SASS6: variants seen among roughly 807,000 people sequenced by gnomAD.
The protein encoded by SASS6 is spindle assembly abnormal protein 6 homolog.
In SASS6, 59 loss-of-function variants were observed where a neutral mutation model predicts 94.9. That is an observed-to-expected ratio of 0.62 (90% confidence interval 0.50 to 0.77). SASS6 has a LOEUF of 0.77. Ranked by LOEUF, SASS6 falls within the 30% of genes least tolerant of loss-of-function variation. The pLI is 0.00. For missense variants in SASS6, 698 were observed against 734.1 expected (o/e 0.95, Z 0.57); for synonymous variants, 264 against 270.0 (o/e 0.98, Z 0.22).
Position 100,122,495 on chromosome 1 carries a change from G to T in SASS6, c.207-11C>A, listed in dbSNP as rs757422655. 5.2e-5 allele frequency: 52 copies of T among 1,000,944 alleles called. No individual in the cohort carries two copies. In the Admixed American group the frequency reaches 5.5e-4, roughly 10 times the overall value. The allele number at this position is 1,000,944 out of a possible 1,614,324, so 62.0% of individuals were successfully genotyped here. On this transcript the variant is annotated splice_polypyrimidine_tract_variant and intron_variant, in intron 3 of 16. Coordinates refer to ENST00000287482, the MANE Select transcript of SASS6 (RefSeq NM_194292.3). ...TGCTGGAATTTTAAACTATACAGAA[G>T]AAAGGAAAAGAAATTTTTTAAAAAT...
intron 2 of SASS6, among the ~76,000 whole-genome samples, chr1:100,125,669 CAAAA>C (rs11299065): frequency 1.2e-5 from 1 of 80,356 alleles, no homozygotes; most frequent in Non-Finnish European, 2.6e-5. Flanking sequence ...GACTCCATCT[CAAAA>C]AAAAAAAAAA....
chr1:100,095,043 A>T (rs1369423129), intron 14 of SASS6, among the ~76,000 whole-genome samples: 3 of 152,226 alleles, frequency 2.0e-5, no homozygotes, highest in Non-Finnish European at 4.4e-5. Flanking sequence ...CAATTGAAAA[A>T]GCATTTGACA....
At chr1:100,114,709 C>T (rs1653661867) in intron 7 of SASS6, among the ~76,000 whole-genome samples, 1 of 151,942 alleles carries the variant, frequency 6.6e-6, no homozygotes. Context: ...CAGAGCAAGA[C>T]TCTGTCTCTA....
chr1:100,089,154 G>T (rs1408948101), intron 14 of SASS6, among the ~76,000 whole-genome samples: 1 of 151,938 alleles, frequency 6.6e-6, no homozygotes, highest in Non-Finnish European at 1.5e-5. Context: ...TAAATTAACA[G>T]CAAATTATAC....
chr1:100,108,530 A>C (rs1653081982), intron 8 of SASS6, among the ~76,000 whole-genome samples: 1 of 152,152 alleles, frequency 6.6e-6, no homozygotes, highest in African/African-American at 2.4e-5. Context: ...CATTAAAAAT[A>C]GATTTTTAAA....
chr1:100,103,175 CTAATAAT>C (rs1652630371), intron 13 of SASS6, 92 bp from the exon 14 acceptor site: 1 of 757,818 alleles, frequency 1.3e-6, no homozygotes, highest in Non-Finnish European at 2.1e-6. Flanking sequence ...GTTATAATAA[CTAATAAT>C]TAAGAGAGCA....
intron 14 of SASS6, among the ~76,000 whole-genome samples, chr1:100,097,090 G>A (rs1157830144): frequency 6.6e-6 from 1 of 152,080 alleles, no homozygotes; most frequent in East Asian, 1.9e-4. Context: ...ACTCCAGCCT[G>A]GGCAACAGAG....
intron 7 of SASS6, among the ~76,000 whole-genome samples, chr1:100,116,145 T>C (rs1325425977): frequency 6.6e-6 from 1 of 151,988 alleles, no homozygotes; most frequent in African/African-American, 2.4e-5. Context: ...CTGGGAGAAA[T>C]GTTTATAATG....
chr1:100,094,985 A>C (rs1052884226), intron 14 of SASS6, among the ~76,000 whole-genome samples: 1 of 152,174 alleles, frequency 6.6e-6, no homozygotes, highest in African/African-American at 2.4e-5. Flanking sequence ...AATCTTAAAC[A>C]ATCAATACAA....
In SASS6 at chr1:100,085,525, T is replaced by G; in HGVS notation, c.1867+11A>C. 2.5e-6 allele frequency: 4 copies of G among 1,602,920 alleles called. No homozygotes were observed. The highest frequency in any genetic ancestry group is 2.6e-6 in the Non-Finnish European group (3 of 1,170,594). On this transcript the variant is annotated intron_variant, in intron 16 of 16. Transcript: ENST00000287482. ...ACTATAAAGTACAAAAATCCAGAAATCCCTGCTTACCTGAATTACTAAATA... is the reference window on the plus strand; with the variant it reads ...ACTATAAAGTACAAAAATCCAGAAAGCCCTGCTTACCTGAATTACTAAATA...
chr1:100,119,633 G>A (rs995114378), intron 6 of SASS6, among the ~76,000 whole-genome samples: 1 of 152,118 alleles, frequency 6.6e-6, no homozygotes, highest in Non-Finnish European at 1.5e-5. Context: ...TTGGATCATG[G>A]GAATGGTTTA....
At position 100,119,118 on chromosome 1, in the gene SASS6, T is replaced by C; in HGVS notation, c.569A>G (p.Gln190Arg). ...TTCATTCCGTAACTTATCTAATTCTTGTTTTTTTTCTGCTAATGTCTACAT... is the reference window on the plus strand; with the variant it reads ...TTCATTCCGTAACTTATCTAATTCTCGTTTTTTTTCTGCTAATGTCTACAT... ...FTRKTLAEKKQELDKLRNEWA... is the reference protein window; with the variant it reads ...FTRKTLAEKKRELDKLRNEWA... The change falls in exon 7 of 17, where the codon CAA (glutamine) becomes CGA (arginine). Residue 190 changes from glutamine to arginine, a missense_variant. Coordinates refer to ENST00000287482, the MANE Select transcript of SASS6 (RefSeq NM_194292.3). 1 of 1,568,942 alleles carries C rather than the reference T, an allele frequency of 6.4e-7. No individual in the cohort carries two copies. Among genetic ancestry groups the C allele is most frequent in the Non-Finnish European group, 8.7e-7 (1 of 1,148,180 alleles).
Position 100,107,367 on chromosome 1 carries a change from T to C in SASS6, c.1326+7A>G. The C allele has an allele frequency of 3.9e-6, 6 of 1,541,904 alleles. No homozygotes were observed. Among genetic ancestry groups the C allele is most frequent in the Non-Finnish European group, 5.3e-6 (6 of 1,136,114 alleles). Reference sequence around the variant, plus strand: ...GTTACAACATAAAAATTTAAAATATTAACTACCTCTTGCTCTTTAATTCGA... The same window carrying C: ...GTTACAACATAAAAATTTAAAATATCAACTACCTCTTGCTCTTTAATTCGA... On this transcript the variant is annotated splice_region_variant and intron_variant, in intron 11 of 16. Coordinates refer to ENST00000287482, the MANE Select transcript of SASS6 (RefSeq NM_194292.3).
At chr1:100,122,596 A>G (rs1570709119) in intron 3 of SASS6, 112 bp from the exon 4 acceptor site, 1 of 422,308 alleles carries the variant, frequency 2.4e-6, no homozygotes, top group Non-Finnish European at 3.9e-6. Flanking sequence ...TCCATCACCC[A>G]GGCTGGAGTG....
chr1:100,122,794 G>A (rs969824111), intron 3 of SASS6, among the ~76,000 whole-genome samples: 6 of 151,818 alleles, frequency 4.0e-5, no homozygotes, highest in Non-Finnish European at 5.9e-5. Context: ...CTCATGATCC[G>A]CCCTCTTCGG....
chr1:100,110,218 A>T, intron 8 of SASS6, 74 bp downstream of exon 8: 1 of 855,520 alleles, frequency 1.2e-6, no homozygotes, highest in Admixed American at 3.1e-5. Flanking sequence ...CCACCCACAC[A>T]AGTAACCACA....
intron 4 of SASS6, 104 bp downstream of exon 4, chr1:100,122,275 AG>A (rs1370586994): frequency 1.9e-6 from 1 of 520,762 alleles, no homozygotes; most frequent in Non-Finnish European, 3.4e-6. Context: ...AAAAATAAAC[AG>A]GGATAGTCAT....
At chr1:100,088,369 C>T in intron 14 of SASS6, 133 bp from the exon 15 acceptor site, 1 of 527,978 alleles carries the variant, frequency 1.9e-6, no homozygotes. Context: ...CGGTTCACTG[C>T]AGTCCCAATC....
intron 2 of SASS6, among the ~76,000 whole-genome samples, chr1:100,125,263 C>T (rs990165001): frequency 1.4e-5 from 2 of 138,104 alleles, no homozygotes; most frequent in Non-Finnish European, 3.1e-5. Context: ...GTATGACCAA[C>T]AGCAATAAAA....
Sources: allele counts gnomAD v4.1 joint callset (sites outside exome capture counted in the v4.1 genomes callset), GRCh38; gene constraint gnomAD v4.1.1; transcripts MANE v1.5; gene names NCBI Gene and HGNC (gene_info 2026-07-23, HGNC 2026-07-21).